Variants in NEXN observed in about 807,000 individuals in gnomAD.
NEXN encodes the protein nexilin F-actin binding protein, also known as nexilin.
A neutral mutation model predicts 92.6 loss-of-function variants in NEXN; 65 were observed. The ratio of observed to expected loss-of-function variants is 0.70; its 90% confidence interval spans 0.57 to 0.86. The LOEUF (loss-of-function observed/expected upper bound fraction) is 0.86, where lower values mean the gene tolerates loss of function less well. Ranked by LOEUF, NEXN falls within the 40% of genes least tolerant of loss-of-function variation. NEXN has a pLI of 0.00. For missense variants in NEXN, 778 were observed against 771.1 expected (o/e 1.01, Z -0.11); for synonymous variants, 254 against 242.5 (o/e 1.05, Z -0.44).
chr1:77,931,231 C>CAAAAAAAAAAAAAAAA (rs367898061), intron 9 of NEXN, among the ~76,000 whole-genome samples: 3 of 120,568 alleles, frequency 2.5e-5, no homozygotes, highest in African/African-American at 7.3e-5. Context: ...ACTAAAAATA[C>CAAAAAAAAAAAAAAAA]AAAAAAAAAA....
chr1:77,932,576 A>G (rs1189997338), intron 9 of NEXN, among the ~76,000 whole-genome samples: 1 of 152,198 alleles, frequency 6.6e-6, no homozygotes, highest in Non-Finnish European at 1.5e-5. Flanking sequence ...CAAAATCATG[A>G]TTAACTTAAA....
At chr1:77,910,373 G>GA (rs1648461960) in intron 1 of NEXN, among the ~76,000 whole-genome samples, 2 of 152,078 alleles carry the variant, frequency 1.3e-5, no homozygotes, top group South Asian at 4.1e-4. Context: ...GACTGGAAAG[G>GA]AAAAAGTAGA....
chr1:77,922,140 CTTTTTTT>C (rs11365279), intron 5 of NEXN, among the ~76,000 whole-genome samples: 6 of 111,934 alleles, frequency 5.4e-5, no homozygotes, highest in African/African-American at 1.7e-4. Flanking sequence ...AAAGAGAAGT[CTTTTTTT>C]TTTTTTTTTT....
chr1:77,912,028 G>A (rs1469568818), intron 1 of NEXN, among the ~76,000 whole-genome samples: 1 of 149,952 alleles, frequency 6.7e-6, no homozygotes, highest in Non-Finnish European at 1.5e-5. Flanking sequence ...GCAGTGAGCC[G>A]AGATTGCACC....
Position 77,942,714 on chromosome 1 carries a change from GC to G in NEXN, c.1915del (p.Leu639PhefsTer47). 1 of 1,613,748 alleles carries G rather than the reference GC, an allele frequency of 6.2e-7. No homozygotes were observed. The highest frequency in any genetic ancestry group is 8.5e-7 in the Non-Finnish European group (1 of 1,179,758). ...TATATTGAAAGGGGAGAAACTTACTGCCTTTACTTACCAGAAACTTTCCCAG... is the reference window on the plus strand; with the variant it reads ...TATATTGAAAGGGGAGAAACTTACTGCTTTACTTACCAGAAACTTTCCCAG... ...YQYIERGETY[C>X]LYLPETFPED... On this transcript the variant is annotated frameshift_variant, in exon 13 of 13. Transcript: ENST00000334785. LOFTEE classifies it high-confidence loss of function.
rs78122202 is a variant in NEXN, at chr1:77,922,616, G to A, written c.448-2572G>A. Among the ~76,000 whole-genome samples the A allele has an allele frequency of 5.7e-3, 626 of 110,656 alleles. 5 individuals carry two copies. The highest frequency in any genetic ancestry group is 0.031 in the Middle Eastern group (6 of 192). The allele number at this position is 110,656 out of a possible 152,430, so 72.6% of individuals were successfully genotyped here. ...CAAAATTATTCTTTTTTTTTTTTTT[G>A]AGACGGAGTCTCGCTCTGTTGCCCA... On this transcript the variant is annotated intron_variant, in intron 5 of 12. Coordinates refer to ENST00000334785, the MANE Select transcript of NEXN (RefSeq NM_144573.4).
intron 1 of NEXN, among the ~76,000 whole-genome samples, chr1:77,893,487 TTTA>T (rs1647153418): frequency 6.6e-6 from 1 of 152,322 alleles, no homozygotes; most frequent in South Asian, 2.1e-4. Context: ...CATTTTATTT[TTTA>T]TTATTTTAGT....
In NEXN at chr1:77,934,468, A is replaced by C. The variant is rs74784414; in HGVS notation, c.1251+989A>C. 7.8e-3 allele frequency among the ~76,000 whole-genome samples: 1,188 copies of C among 152,220 alleles called. 14 individuals carry two copies. Among genetic ancestry groups the C allele is most frequent in the African/African-American group, 0.028 (1,149 of 41,538 alleles). On this transcript the variant is annotated intron_variant, in intron 10 of 12. Transcript: ENST00000334785. ...CCACTGTCTTGAAATTCTTAATTTT[A>C]CCTTTGAATTTGTGTGTTGTATGTA...
chr1:77,889,779 A>C (rs1490688214), intron 1 of NEXN, among the ~76,000 whole-genome samples: 1 of 152,248 alleles, frequency 6.6e-6, no homozygotes, highest in African/African-American at 2.4e-5. Context: ...TTCCCTGACC[A>C]AAACAACGGG....
intron 6 of NEXN, 118 bp downstream of exon 6, chr1:77,925,347 TAAC>T (rs1649761968): frequency 3.8e-6 from 3 of 779,602 alleles, no homozygotes; most frequent in South Asian, 1.7e-5. Flanking sequence ...AATGTAGAAA[TAAC>T]AAAAAAGTAT....
chr1:77,917,925 G>C, intron 3 of NEXN, 35 bp from the exon 4 acceptor site: 1 of 1,562,734 alleles, frequency 6.4e-7, no homozygotes, highest in Non-Finnish European at 8.8e-7. Flanking sequence ...CTAATTTTTG[G>C]ACATGTGCTC....
chr1:77,907,970 C>T (rs562654948), intron 1 of NEXN, among the ~76,000 whole-genome samples: 5 of 152,096 alleles, frequency 3.3e-5, no homozygotes, highest in African/African-American at 7.2e-5. Context: ...ATGAGAGGCT[C>T]GGGCATGGTT....
intron 4 of NEXN, 39 bp downstream of exon 4, chr1:77,918,077 A>G: frequency 6.2e-7 from 1 of 1,612,914 alleles, no homozygotes. Context: ...TTAAATTGCA[A>G]AATAGAAACA....
chr1:77,918,011 G>C lies in NEXN; in HGVS notation c.271G>C (p.Glu91Gln). The C allele has an allele frequency of 6.2e-7, 1 of 1,613,608 alleles. No individual in the cohort carries two copies. The highest frequency in any genetic ancestry group is 8.5e-7 in the Non-Finnish European group (1 of 1,179,676). Reference sequence around the variant, plus strand: ...TGAGGAAGATGTATCTTCTAAAGTAGAAAAGGCTTATGTTCCAAAATTAAC... The same window carrying C: ...TGAGGAAGATGTATCTTCTAAAGTACAAAAGGCTTATGTTCCAAAATTAAC... ...DDEEDVSSKV[E>Q]KAYVPKLTGT... The change falls in exon 4 of 13, where the codon GAA (glutamate) becomes CAA (glutamine). Residue 91 changes from glutamate (E) to glutamine (Q), a missense_variant. By Grantham distance (29) the Glu-to-Gln change is conservative. Around this residue, in one of 3 missense-constraint regions of NEXN, gnomAD observed 236 missense variants for 265.6 expected, o/e 0.89. Transcript: ENST00000334785.
At chr1:77,893,119 G>A (rs562084889) in intron 1 of NEXN, among the ~76,000 whole-genome samples, 12 of 151,930 alleles carry the variant, frequency 7.9e-5, no homozygotes, top group Admixed American at 2.6e-4. Flanking sequence ...CTCTTGTCTC[G>A]GCCTCCCAAA....
chr1:77,900,601 A>G (rs1647625198), intron 1 of NEXN, among the ~76,000 whole-genome samples: 1 of 151,648 alleles, frequency 6.6e-6, no homozygotes, highest in African/African-American at 2.4e-5. Context: ...TAAATTGTGT[A>G]TGGGTTATAC....
chr1:77,911,975 A>G (rs887604044), intron 1 of NEXN, among the ~76,000 whole-genome samples: 1 of 151,092 alleles, frequency 6.6e-6, no homozygotes, highest in African/African-American at 2.4e-5. Context: ...GCTACTCAGG[A>G]GGCTGAGGCA....
Position 77,917,622 on chromosome 1 carries a change from G to T in NEXN, c.84G>T (p.Lys28Asn). 6.2e-7 allele frequency: 1 copy of T among 1,613,516 alleles called. No homozygotes were observed. The highest frequency in any genetic ancestry group is 1.1e-5 in the South Asian group (1 of 91,002). The change falls in exon 3 of 13, where the codon AAG (lysine) becomes AAT (asparagine). Residue 28 changes from lysine (K) to asparagine (N), a missense_variant. Coordinates refer to ENST00000334785, the MANE Select transcript of NEXN (RefSeq NM_144573.4). Reference protein sequence around the residue: ...VPKTYVPKLGKGDVKDKFEAM... With the variant: ...VPKTYVPKLGNGDVKDKFEAM... ...AAACCTATGTACCAAAACTTGGCAA[G>T]GGTGATGTAAAGGATAAGTTTGAAG...
In NEXN at chr1:77,926,590, A is replaced by G. The variant is rs2102124052; in HGVS notation, c.666A>G (p.Ala222=). The change falls in exon 7 of 13, where the codon GCA becomes GCG. Residue 222 remains alanine, a synonymous_variant. Coordinates refer to ENST00000334785, the MANE Select transcript of NEXN (RefSeq NM_144573.4). ...AACAACGACCATCTCTCAAGGAAGC[A>G]AAGTGTCTTTCATTAGTTATGGTAA... The part of the protein sequence containing the change: ...YEEQRPSLKE[A]KCLSLVMDDE... The G allele has an allele frequency of 1.9e-6, 3 of 1,613,992 alleles. No homozygotes were observed. Among genetic ancestry groups the G allele is most frequent in the East Asian group, 2.2e-5 (1 of 44,804 alleles).
Sources: allele counts gnomAD v4.1 joint callset (sites outside exome capture counted in the v4.1 genomes callset), GRCh38; gene constraint gnomAD v4.1.1; regional missense constraint gnomAD v4.1.1; transcripts MANE v1.5; gene names NCBI Gene and HGNC (gene_info 2026-07-23, HGNC 2026-07-21).